The following CALD1 variants were observed in gnomAD, a reference collection of about 807,000 sequenced individuals.
The protein encoded by CALD1 is caldesmon.
CALD1 carries 33 observed loss-of-function variants against 99.9 expected under a neutral mutation model. The ratio of observed to expected loss-of-function variants is 0.33; its 90% CI spans 0.25 to 0.44. CALD1 has a LOEUF of 0.44. Among genes scored for constraint, CALD1 ranks in the 20% least tolerant of loss-of-function variants. The pLI, the probability that CALD1 is intolerant of heterozygous loss-of-function variation, is 1.00. For missense variants in CALD1, 861 were observed against 962.1 expected, an observed-to-expected ratio of 0.89 and a Z score of 1.39; for synonymous variants, 310 against 325.0, an observed-to-expected ratio of 0.95 and a Z score of 0.50.
intron 8 of CALD1, among the ~76,000 whole-genome samples, chr7:134,948,869 C>CT (rs563118718): frequency 0.018 from 2,621 of 141,942 alleles, 34 homozygotes; most frequent in African/African-American, 0.023. Context: ...ACACCCCAGG[C>CT]TTTTTTTTTT....
intron 1 of CALD1, among the ~76,000 whole-genome samples, chr7:134,821,377 T>C (rs1798766129): frequency 6.6e-6 from 1 of 152,164 alleles, no homozygotes; most frequent in Non-Finnish European, 1.5e-5. Context: ...TGTTTCTCTT[T>C]GTTAAATTAT....
chr7:134,918,892 G>T, intron 3 of CALD1, among the ~76,000 whole-genome samples: 1 of 152,204 alleles, frequency 6.6e-6, no homozygotes, highest in South Asian at 2.1e-4. Context: ...GCTACTCAGG[G>T]GGCTGAGGTG....
chr7:134,920,317 G>A (rs1804518296), intron 3 of CALD1, among the ~76,000 whole-genome samples: 1 of 125,720 alleles, frequency 8.0e-6, no homozygotes, highest in Non-Finnish European at 1.8e-5. Flanking sequence ...AAGTATGTGT[G>A]AGTCATTTTG....
At chr7:134,761,065 C>T (rs905126160) in intron 1 of CALD1, among the ~76,000 whole-genome samples, 1 of 152,088 alleles carries the variant, frequency 6.6e-6, no homozygotes, top group African/African-American at 2.4e-5. Flanking sequence ...AAATGCTAGA[C>T]AAATGATGCC....
chr7:134,845,900 A>C (rs1423975071), intron 2 of CALD1, among the ~76,000 whole-genome samples: 12 of 152,078 alleles, frequency 7.9e-5, no homozygotes, highest in African/African-American at 1.2e-4. Context: ...GTGTGTGTCT[A>C]TTTTTTCTCC....
chr7:134,839,452 G>T (rs1799566876), intron 1 of CALD1, among the ~76,000 whole-genome samples: 1 of 152,168 alleles, frequency 6.6e-6, no homozygotes, highest in Non-Finnish European at 1.5e-5. Context: ...GGGTCACAGG[G>T]TATACAAATA....
intron 3 of CALD1, among the ~76,000 whole-genome samples, chr7:134,884,394 T>C (rs1489726770): frequency 1.3e-5 from 2 of 152,298 alleles, no homozygotes; most frequent in East Asian, 1.9e-4. Flanking sequence ...TTCACACTCA[T>C]GAAGAAGTCG....
the CALD1 span, among the ~76,000 whole-genome samples, chr7:134,711,688 GT>G: frequency 1.4e-4 from 8 of 56,624 alleles, no homozygotes; most frequent in South Asian, 6.9e-3. Context: ...ATATGTGTGT[GT>G]GTGTGTGTGT....
chr7:134,903,573 C>T (rs1803148723), intron 3 of CALD1, among the ~76,000 whole-genome samples: 1 of 152,144 alleles, frequency 6.6e-6, no homozygotes, highest in South Asian at 2.1e-4. Flanking sequence ...TGGCAGCAAG[C>T]TTTGGCATTT....
chr7:134,807,277 G>A (rs528027244), intron 1 of CALD1, among the ~76,000 whole-genome samples: 1 of 152,332 alleles, frequency 6.6e-6, no homozygotes, highest in South Asian at 2.1e-4. Context: ...GCACAACCAT[G>A]CAACATTCTT....
intron 3 of CALD1, among the ~76,000 whole-genome samples, chr7:134,887,778 G>T (rs906277233): frequency 4.7e-5 from 7 of 150,030 alleles, no homozygotes; most frequent in Non-Finnish European, 1.0e-4. Context: ...GTGTGTATGT[G>T]TGTGCATGTG....
chr7:134,765,838 T>G (rs1000311222), intron 1 of CALD1, among the ~76,000 whole-genome samples: 3 of 152,096 alleles, frequency 2.0e-5, no homozygotes, highest in African/African-American at 7.2e-5. Flanking sequence ...GAAAAGTGAT[T>G]GGATCATGGG....
intron 1 of CALD1, among the ~76,000 whole-genome samples, chr7:134,784,767 T>C (rs1263587690): frequency 6.6e-6 from 1 of 151,474 alleles, no homozygotes; most frequent in Non-Finnish European, 1.5e-5. Context: ...AGAGTAGAGT[T>C]AGAGTCAAGG....
intron 1 of CALD1, among the ~76,000 whole-genome samples, chr7:134,811,263 T>G (rs2131925009): frequency 6.6e-6 from 1 of 152,340 alleles, no homozygotes; most frequent in East Asian, 1.9e-4. Flanking sequence ...AAGGGTTGTT[T>G]ACTGACACTG....
intron 2 of CALD1, among the ~76,000 whole-genome samples, chr7:134,853,385 T>C (rs1800159583): frequency 1.3e-5 from 2 of 152,216 alleles, no homozygotes; most frequent in South Asian, 4.1e-4. Context: ...GTCTTATAAA[T>C]TTATGTTCCC....
chr7:134,939,002 C>T (rs778793327), intron 6 of CALD1, among the ~76,000 whole-genome samples: 4 of 152,194 alleles, frequency 2.6e-5, no homozygotes, highest in Non-Finnish European at 5.9e-5. Context: ...CCGTGAGCTC[C>T]TACTCGGAAT....
chr7:134,916,269 A>C (rs1339551860), intron 3 of CALD1, among the ~76,000 whole-genome samples: 1 of 152,084 alleles, frequency 6.6e-6, no homozygotes, highest in African/African-American at 2.4e-5. Context: ...AGCTAGCAAC[A>C]ATGCCCCAGT....
chr7:134,812,525 C>T (rs1214440070), intron 1 of CALD1, among the ~76,000 whole-genome samples: 1 of 151,720 alleles, frequency 6.6e-6, no homozygotes, highest in Non-Finnish European at 1.5e-5. Context: ...ACTTCCCACC[C>T]TTCAGAGATG....
At chr7:134,774,729 C>T (rs74553074), upstream of CALD1, among the ~76,000 whole-genome samples, 56 of 152,322 alleles carry the variant, frequency 3.7e-4, no homozygotes, top group African/African-American at 1.2e-3. Flanking sequence ...TCCTAATTCA[C>T]AGGACCAGAT....
Sources: gnomAD v4.1 joint callset for allele counts (sites outside exome capture counted in the v4.1 genomes callset) on GRCh38, gnomAD v4.1.1 for gene constraint, MANE v1.5 for transcripts, NCBI Gene and HGNC (gene_info 2026-07-23, HGNC 2026-07-21) for gene names.